Variants in NHSL1 observed in about 807,000 individuals in gnomAD.
NHSL1 encodes NHS-like protein 1.
Under a neutral mutation model 95.0 loss-of-function variants are expected in NHSL1, and 48 were observed. That is an observed-to-expected ratio of 0.51 (90% confidence interval 0.40 to 0.64). NHSL1 has a LOEUF of 0.64. NHSL1 is among the 30% of genes least tolerant of loss of function. NHSL1 has a pLI of 0.00. For synonymous variants in NHSL1, 783 were observed against 833.9 expected, an observed-to-expected ratio of 0.94 and a Z score of 1.05; for missense variants, 1,971 against 2,077.7, an observed-to-expected ratio of 0.95 and a Z score of 1.00.
At chr6:138,620,539 A>G (rs1784641822) in intron 1 of NHSL1, among the ~76,000 whole-genome samples, 1 of 152,214 alleles carries the variant, frequency 6.6e-6, no homozygotes, top group South Asian at 2.1e-4. Context: ...ATAGGTCAAT[A>G]TGGTTGGTGG....
chr6:138,597,668 T>G (rs1321840988), intron 1 of NHSL1, among the ~76,000 whole-genome samples: 1 of 152,196 alleles, frequency 6.6e-6, no homozygotes, highest in African/African-American at 2.4e-5. Context: ...TCCACACACA[T>G]GTAAGCATCC....
intron 1 of NHSL1, among the ~76,000 whole-genome samples, chr6:138,511,412 ATGTG>A (rs775957774): frequency 6.7e-6 from 1 of 148,986 alleles, no homozygotes; most frequent in East Asian, 2.0e-4. Flanking sequence ...GTGTGTGTGT[ATGTG>A]TGTGTGTGAG....
At chr6:138,640,077 A>G (rs894028360) in intron 1 of NHSL1, among the ~76,000 whole-genome samples, 2 of 151,982 alleles carry the variant, frequency 1.3e-5, no homozygotes, top group East Asian at 3.9e-4. Context: ...AGCGCTGCAC[A>G]TTTCTGCAGC....
chr6:138,477,771 G>C (rs183487053), intron 2 of NHSL1, among the ~76,000 whole-genome samples: 1 of 152,114 alleles, frequency 6.6e-6, no homozygotes, highest in Non-Finnish European at 1.5e-5. Flanking sequence ...AATAAGAAGA[G>C]ACTGCTGGGC....
chr6:138,592,227 G>C (rs1784240786), intron 1 of NHSL1, among the ~76,000 whole-genome samples: 1 of 152,036 alleles, frequency 6.6e-6, no homozygotes, highest in East Asian at 1.9e-4. Flanking sequence ...ACATCTCAAG[G>C]TCAATTTAGC....
chr6:138,432,034 T>G lies in NHSL1; in HGVS notation c.2311A>C (p.Ser771Arg). 1.3e-6 allele frequency: 2 copies of G among 1,551,734 alleles called. No individual in the cohort carries two copies. Among genetic ancestry groups the G allele is most frequent in the Non-Finnish European group, 8.7e-7 (1 of 1,146,966 alleles). Residue 771 changes from serine to arginine, a missense_variant, in exon 6 of 8, where the codon AGC becomes CGC. By Grantham distance (110) the Ser-to-Arg change is moderately radical. This residue lies in a region of NHSL1 where 1,602 missense variants were observed against 1,654.5 expected (regional missense o/e 0.97). Transcript: ENST00000343505. The surrounding 1 kb of genome is among the most constrained non-coding windows in gnomAD (Gnocchi z 4.4). ...GGGTCCGTGTACTCTGACTTGACGC[T>G]GCTTGTGTCACTCTGCGATGGCGTG... ...GATPSQSDTS[S>R]VKSEYTDPWG...
At chr6:138,558,101 T>A (rs1358124434) in intron 1 of NHSL1, among the ~76,000 whole-genome samples, 3 of 152,138 alleles carry the variant, frequency 2.0e-5, no homozygotes, top group African/African-American at 7.2e-5. Flanking sequence ...GAAAAGTATC[T>A]CTAACCAATT....
At chr6:138,577,427 C>T (rs929735839), upstream of NHSL1, among the ~76,000 whole-genome samples, 1 of 152,210 alleles carries the variant, frequency 6.6e-6, no homozygotes, top group Non-Finnish European at 1.5e-5. Flanking sequence ...AGAGGCAGCA[C>T]CCTGAAGTTA....
chr6:138,656,251 C>T (rs61418675), intron 1 of NHSL1, among the ~76,000 whole-genome samples: 6,457 of 152,248 alleles, frequency 0.042, 332 homozygotes, highest in African/African-American at 0.12. Context: ...TGAAAACTTA[C>T]GAGTTTCTTT....
At chr6:138,483,025 C>G (rs1454402343) in intron 2 of NHSL1, among the ~76,000 whole-genome samples, 1 of 152,166 alleles carries the variant, frequency 6.6e-6, no homozygotes, top group African/African-American at 2.4e-5. Context: ...CTAGCAAGTC[C>G]TCAATCAATG....
Position 138,483,305 on chromosome 6 carries a change from T to C in NHSL1, c.212-9872A>G, listed in dbSNP as rs371293684. ...GAGGGTTGGTCTGTTCTTTTTATTA[T>C]GTCACAAATGATCCACACTCGCCAA... On this transcript the variant is annotated intron_variant, in intron 2 of 7. Coordinates refer to ENST00000343505, the MANE Select transcript of NHSL1 (RefSeq NM_001144060.2). 9.4e-4 allele frequency among the ~76,000 whole-genome samples: 143 copies of C among 152,270 alleles called. 1 individual carries two copies. In the Middle Eastern group the frequency reaches 0.034, roughly 36 times the overall value.
chr6:138,619,968 A>G lies in NHSL1; in HGVS notation c.96+72508T>C, dbSNP rs1784632573. On this transcript the variant is annotated intron_variant, in intron 1 of 3. Coordinates refer to the NHSL1 transcript ENST00000491526. ...ATCACAAAAAAAAAAAAAAAAAAAA[A>G]TAGCAATCTCCAAGTTAAAACCACT... is the stretch of plus-strand genomic sequence containing the variant. 2.0e-5 allele frequency among the ~76,000 whole-genome samples: 3 copies of G among 147,390 alleles called. No homozygotes were observed. The South Asian group carries it at 6.5e-4, about 32-fold the overall frequency.
At position 138,431,881 on chromosome 6, in the gene NHSL1, C is replaced by T. The variant is rs141003978; in HGVS notation, c.2464G>A (p.Ala822Thr). Reference sequence around the variant, plus strand: ...CCACCGGGCACTTGGGGCATTGTGGCTCTGGACCCTTCTTGGACATGGCGG... The same window carrying T: ...CCACCGGGCACTTGGGGCATTGTGGTTCTGGACCCTTCTTGGACATGGCGG... ...PVRHVQEGSR[A>T]TMPQVPGGSV... is the part of the protein sequence containing the mutation. The change falls in exon 6 of 8, where the codon GCC becomes ACC. Residue 822 changes from alanine to threonine, a missense_variant. Physicochemically the swap from Ala to Thr is moderately conservative, Grantham distance 58 (BLOSUM62 0). This residue lies in a region of NHSL1 where 1,602 missense variants were observed against 1,654.5 expected (regional missense o/e 0.97). Transcript: ENST00000343505. This position sits in a 1 kb window ranked among gnomAD's most constrained non-coding sequence, Gnocchi z 4.0. 2.8e-4 allele frequency: 427 copies of T among 1,551,750 alleles called. 1 individual carries two copies. In the African/African-American group the frequency reaches 5.1e-3, roughly 19 times the overall value.
chr6:138,576,335 C>G (rs926167302), upstream of NHSL1, among the ~76,000 whole-genome samples: 2 of 152,140 alleles, frequency 1.3e-5, no homozygotes, highest in African/African-American at 2.4e-5. Context: ...AAAAAAATAA[C>G]TTCAGCTATA....
At position 138,592,770 on chromosome 6, in the gene NHSL1, C is replaced by T. The variant is rs115029703; in HGVS notation, c.97-96399G>A. On this transcript the variant is annotated intron_variant, in intron 1 of 3. Coordinates refer to the NHSL1 transcript ENST00000491526. The stretch of plus-strand genomic sequence containing the variant: ...TAAATATTTTCTAAATATCGTAAGA[C>T]ATATGAAACAGGGTGGCTAGGAGCT... 8.7e-3 allele frequency among the ~76,000 whole-genome samples: 1,329 copies of T among 152,190 alleles called. 12 individuals carry two copies. The highest frequency in any genetic ancestry group is 0.066 in the East Asian group (344 of 5,182).
chr6:138,527,131 C>T (rs1272216055), intron 1 of NHSL1, among the ~76,000 whole-genome samples: 1 of 152,190 alleles, frequency 6.6e-6, no homozygotes, highest in African/African-American at 2.4e-5. Context: ...CGTCGCTCTT[C>T]AGTCTCCTCC....
At chr6:138,478,260 T>C (rs1188634337) in intron 2 of NHSL1, among the ~76,000 whole-genome samples, 1 of 151,912 alleles carries the variant, frequency 6.6e-6, no homozygotes, top group Non-Finnish European at 1.5e-5. Flanking sequence ...GGATTACAAG[T>C]GTGAACCACC....
chr6:138,462,284 G>A (rs1037847298), intron 3 of NHSL1, among the ~76,000 whole-genome samples: 22 of 152,204 alleles, frequency 1.4e-4, no homozygotes, highest in African/African-American at 4.6e-4. Flanking sequence ...AAAACATGGT[G>A]GAGATGATCA....
chr6:138,521,287 C>T (rs1325647805), intron 1 of NHSL1, among the ~76,000 whole-genome samples: 2 of 152,042 alleles, frequency 1.3e-5, no homozygotes, highest in East Asian at 3.8e-4. Flanking sequence ...TAGTGAGACC[C>T]CCATCTCTAC....
Sources: allele counts gnomAD v4.1 joint callset (sites outside exome capture counted in the v4.1 genomes callset), GRCh38; gene constraint gnomAD v4.1.1; regional missense constraint gnomAD v4.1.1; non-coding constraint Gnocchi (gnomAD v3.1); transcripts MANE v1.5; gene names NCBI Gene and HGNC (gene_info 2026-07-23, HGNC 2026-07-21).